The following NTRK2 variants were observed in gnomAD, a reference collection of about 807,000 sequenced individuals.
NTRK2 encodes the protein BDNF/NT-3 growth factors receptor.
NTRK2 carries 13 observed loss-of-function variants against 94.5 expected under a neutral mutation model. The observed-to-expected ratio is 0.14, with a 90% CI of 0.09 to 0.22. The LOEUF (loss-of-function observed/expected upper bound fraction) is 0.22, where lower values mean the gene tolerates loss of function less well. NTRK2 is among the 10% of genes least tolerant of loss of function. The pLI is 1.00. For synonymous variants in NTRK2, 372 were observed against 407.4 expected (o/e 0.91, Z 1.05); for missense variants, 639 against 1,071.2 (o/e 0.60, Z 5.63).
At chr9:85,001,893 G>T (rs533884843) in intron 17 of NTRK2, among the ~76,000 whole-genome samples, 1 of 152,198 alleles carries the variant, frequency 6.6e-6, no homozygotes, top group Admixed American at 6.5e-5. Context: ...TCTGAATAGG[G>T]CAGGGAGGGG....
At chr9:84,972,207 G>T (rs906111952) in intron 17 of NTRK2, among the ~76,000 whole-genome samples, 8 of 152,118 alleles carry the variant, frequency 5.3e-5, no homozygotes, top group African/African-American at 1.9e-4. Context: ...GAGGATAGAG[G>T]TTCTAGAGGC....
intron 2 of NTRK2, among the ~76,000 whole-genome samples, chr9:84,701,349 A>T (rs537446574): frequency 5.4e-4 from 82 of 152,286 alleles, no homozygotes; most frequent in African/African-American, 1.7e-3. Flanking sequence ...GGCCTGTGCC[A>T]TCCTTCAGCT....
intron 2 of NTRK2, among the ~76,000 whole-genome samples, chr9:84,681,769 TA>T (rs1209153103): frequency 2.4e-4 from 37 of 152,180 alleles, no homozygotes; most frequent in Admixed American, 2.4e-3. Context: ...TGCTTATAAT[TA>T]CCCTCTGGCT....
At chr9:84,978,086 A>C (rs1429138316) in intron 17 of NTRK2, among the ~76,000 whole-genome samples, 4 of 152,194 alleles carry the variant, frequency 2.6e-5, no homozygotes, top group Non-Finnish European at 4.4e-5. Flanking sequence ...CAATATTGAA[A>C]TTTGGACAAT....
intron 12 of NTRK2, among the ~76,000 whole-genome samples, chr9:84,835,029 G>A (rs1401631551): frequency 6.6e-6 from 1 of 152,100 alleles, no homozygotes; most frequent in African/African-American, 2.4e-5. Context: ...TCTCTCTTGG[G>A]TAGGTGATAT....
chr9:84,721,782 T>G (rs2062083642), intron 6 of NTRK2, among the ~76,000 whole-genome samples: 1 of 152,258 alleles, frequency 6.6e-6, no homozygotes, highest in Non-Finnish European at 1.5e-5. Flanking sequence ...GTGGGACTAC[T>G]GTTTTTCACA....
At chr9:84,732,027 C>T (rs756573855) in intron 9 of NTRK2, among the ~76,000 whole-genome samples, 63 of 152,158 alleles carry the variant, frequency 4.1e-4, no homozygotes, top group Non-Finnish European at 8.7e-4. Flanking sequence ...GATACTAAAT[C>T]GATCACTTTG....
intron 12 of NTRK2, among the ~76,000 whole-genome samples, chr9:84,826,264 G>A (rs546454087): frequency 5.3e-5 from 8 of 152,240 alleles, no homozygotes; most frequent in African/African-American, 1.9e-4. Context: ...GTTTCCAGGG[G>A]CAATTATCGG....
intron 12 of NTRK2, among the ~76,000 whole-genome samples, chr9:84,792,486 A>G (rs2068830310): frequency 6.6e-6 from 1 of 152,216 alleles, no homozygotes; most frequent in Admixed American, 6.5e-5. Context: ...TCAAATTCAG[A>G]TGAAAATTCC....
intron 17 of NTRK2, among the ~76,000 whole-genome samples, chr9:84,999,484 A>T (rs1830109888): frequency 6.6e-6 from 1 of 152,202 alleles, no homozygotes; most frequent in African/African-American, 2.4e-5. Context: ...ATTCTTGCTC[A>T]TTTGAATGTA....
intron 2 of NTRK2, among the ~76,000 whole-genome samples, chr9:84,689,368 C>T (rs748871224): frequency 4.6e-5 from 7 of 152,088 alleles, no homozygotes; most frequent in African/African-American, 1.2e-4. Context: ...GTGTGCTGAG[C>T]GATCACAAGT....
chr9:84,837,866 T>TA (rs2073965013), intron 12 of NTRK2, among the ~76,000 whole-genome samples: 1 of 152,208 alleles, frequency 6.6e-6, no homozygotes, highest in East Asian at 1.9e-4. Context: ...TACTTACTGA[T>TA]AAAATCTAAG....
intron 2 of NTRK2, among the ~76,000 whole-genome samples, chr9:84,676,307 A>G (rs2059049254): frequency 6.6e-6 from 1 of 152,224 alleles, no homozygotes; most frequent in Non-Finnish European, 1.5e-5. Flanking sequence ...GGCATGATAC[A>G]AGGTGCTCGG....
intron 14 of NTRK2, among the ~76,000 whole-genome samples, chr9:84,926,089 C>T (rs947121372): frequency 6.7e-6 from 1 of 149,322 alleles, no homozygotes; most frequent in Non-Finnish European, 1.5e-5. Flanking sequence ...CTTTCCCTTC[C>T]TTCCTTCCTT....
intron 7 of NTRK2, 42 bp downstream of exon 7, chr9:84,723,751 G>A (rs373741342): frequency 3.1e-6 from 5 of 1,612,906 alleles, no homozygotes; most frequent in African/African-American, 2.7e-5. Flanking sequence ...AGAGACAAGA[G>A]TGTTTCAGAA....
At chr9:84,956,846 TG>T (rs1185414366) in intron 17 of NTRK2, among the ~76,000 whole-genome samples, 2 of 58,056 alleles carry the variant, frequency 3.4e-5, no homozygotes, top group African/African-American at 1.4e-4. Flanking sequence ...GACTGTTTTG[TG>T]GTGTTTTTTT....
intron 12 of NTRK2, among the ~76,000 whole-genome samples, chr9:84,840,093 C>G (rs2074089174): frequency 6.6e-6 from 1 of 151,360 alleles, no homozygotes; most frequent in Non-Finnish European, 1.5e-5. Flanking sequence ...ATTGCTTTTT[C>G]TTGCTGATTA....
At chr9:84,944,191 G>GTT (rs1279088372) in intron 15 of NTRK2, among the ~76,000 whole-genome samples, 1 of 118,610 alleles carries the variant, frequency 8.4e-6, no homozygotes, top group African/African-American at 3.1e-5. Context: ...AGAAAAGCTT[G>GTT]TTCTCTCTCT....
chr9:85,002,015 C>A (rs1830393432), intron 17 of NTRK2, among the ~76,000 whole-genome samples: 2 of 152,168 alleles, frequency 1.3e-5, no homozygotes. Context: ...GACCTAATGG[C>A]CATTCATGAC....
Sources: allele counts gnomAD v4.1 joint callset (sites outside exome capture counted in the v4.1 genomes callset), GRCh38; gene constraint gnomAD v4.1.1; transcripts MANE v1.5; gene names NCBI Gene and HGNC (gene_info 2026-07-23, HGNC 2026-07-21).